Variants in HDAC9 observed in about 807,000 individuals in gnomAD.
HDAC9 encodes MEF-2 interacting transcription repressor (MITR) protein.
Under a neutral mutation model 139.4 loss-of-function variants are expected in HDAC9, and 41 were observed. The observed-to-expected ratio is 0.29, with a 90% CI of 0.23 to 0.38. The LOEUF (loss-of-function observed/expected upper bound fraction) is 0.38. Ranked by LOEUF, HDAC9 falls within the 10% of genes least tolerant of loss-of-function variation. The probability of loss-of-function intolerance (pLI) is 1.00; values close to 1 mark genes in which losing one functional copy is unlikely to be tolerated. For missense variants in HDAC9, 1,147 were observed against 1,297.0 expected, an observed-to-expected ratio of 0.88 and a Z score of 1.78; for synonymous variants, 517 against 476.2, an observed-to-expected ratio of 1.09 and a Z score of -1.12.
intron 2 of HDAC9, among the ~76,000 whole-genome samples, chr7:18,516,434 C>G (rs1803201847): frequency 6.6e-6 from 1 of 152,092 alleles, no homozygotes; most frequent in South Asian, 2.1e-4. Context: ...AGGATGTCAC[C>G]TTACCGCCCT....
chr7:18,414,091 T>C (rs1788824973), intron 1 of HDAC9, among the ~76,000 whole-genome samples: 1 of 152,176 alleles, frequency 6.6e-6, no homozygotes, highest in African/African-American at 2.4e-5. Context: ...GTGCTGTAAC[T>C]AGAATGCTGC....
chr7:18,116,338 T>G (rs1376888683), intron 1 of HDAC9, among the ~76,000 whole-genome samples: 5 of 152,188 alleles, frequency 3.3e-5, no homozygotes, highest in Non-Finnish European at 7.4e-5. Context: ...TTTATGTTAC[T>G]TGCTAAAATT....
intron 16 of HDAC9, among the ~76,000 whole-genome samples, chr7:18,783,990 AC>A (rs1791473176): frequency 6.6e-6 from 1 of 151,880 alleles, no homozygotes; most frequent in Admixed American, 6.6e-5. Flanking sequence ...CAACCAGAGA[AC>A]CTGTCCCTCA....
intron 2 of HDAC9, among the ~76,000 whole-genome samples, chr7:18,221,016 A>T (rs1420511713): frequency 1.3e-5 from 2 of 151,942 alleles, no homozygotes; most frequent in Non-Finnish European, 2.9e-5. Context: ...TTATTTTAAC[A>T]CTTTATTTTT....
At chr7:18,284,528 C>T (rs1466626154) in intron 2 of HDAC9, among the ~76,000 whole-genome samples, 4 of 152,088 alleles carry the variant, frequency 2.6e-5, no homozygotes, top group Admixed American at 6.5e-5. Flanking sequence ...GGGTTAACTG[C>T]CTGTATTCCA....
chr7:18,759,389 G>A (rs963006466), intron 14 of HDAC9, among the ~76,000 whole-genome samples: 2 of 151,998 alleles, frequency 1.3e-5, no homozygotes, highest in Non-Finnish European at 2.9e-5. Context: ...GATTCCCAGA[G>A]GAGCGCTAAC....
At chr7:18,251,777 A>G (rs1220419376) in intron 2 of HDAC9, among the ~76,000 whole-genome samples, 1 of 152,040 alleles carries the variant, frequency 6.6e-6, no homozygotes, top group Non-Finnish European at 1.5e-5. Flanking sequence ...TTCTTTAACT[A>G]TCTGAGTGAT....
chr7:18,631,429 T>G (rs903763528), intron 7 of HDAC9, among the ~76,000 whole-genome samples: 1 of 152,064 alleles, frequency 6.6e-6, no homozygotes, highest in Non-Finnish European at 1.5e-5. Flanking sequence ...TCACCTGTAC[T>G]CCTTCCCATT....
chr7:18,733,987 C>T (rs938111381), intron 13 of HDAC9, among the ~76,000 whole-genome samples: 18 of 152,106 alleles, frequency 1.2e-4, no homozygotes, highest in African/African-American at 4.3e-4. Context: ...AATTACTTAT[C>T]AATGCACAAA....
At chr7:18,272,959 CTACTACTAT>C (rs1325493828) in intron 2 of HDAC9, among the ~76,000 whole-genome samples, 6 of 143,178 alleles carry the variant, frequency 4.2e-5, no homozygotes, top group African/African-American at 1.0e-4. Flanking sequence ...ACTACTACTA[CTACTACTAT>C]TTCTTCCTCC....
chr7:18,865,782 G>A (rs1056798413), intron 21 of HDAC9, among the ~76,000 whole-genome samples: 33 of 151,996 alleles, frequency 2.2e-4, no homozygotes, highest in African/African-American at 7.0e-4. Flanking sequence ...AGTCTATAAT[G>A]TGCATTTTTG....
rs562460122 is a variant in HDAC9 at position 18,688,815 on chromosome 7, C to T, written c.1731+22339C>T. 1.1e-4 allele frequency among the ~76,000 whole-genome samples: 16 copies of T among 151,840 alleles called. No individual in the cohort carries two copies. In the East Asian group the frequency reaches 3.1e-3, roughly 29 times the overall value. On this transcript the variant is annotated intron_variant, in intron 12 of 25. Transcript: ENST00000686413. ...GAAAGGAAGTCAAAATGACAAGGAC[C>T]CTAATGGTTACAGAGAAAGGTTAAG...
rs1562802142 is a variant in HDAC9 at position 18,257,438 on chromosome 7, A to ACACAC, written c.25+95089_25+95090insCACAC. Among the ~76,000 whole-genome samples the ACACAC allele has an allele frequency of 5.1e-3, 675 of 132,504 alleles. 4 individuals carry two copies. The highest frequency in any genetic ancestry group is 8.9e-3 in the South Asian group (35 of 3,912). The allele number at this position is 132,504 out of a possible 152,430, so 86.9% of individuals were successfully genotyped here. On this transcript the variant is annotated intron_variant, in intron 2 of 12. Transcript: ENST00000417496. ...ACACACACACACACACACACACACA[A>ACACAC]AAAGAAAAAAAGAAAAAGTAGCATA...
At chr7:18,772,552 C>G (rs1409131268) in intron 16 of HDAC9, among the ~76,000 whole-genome samples, 1 of 152,054 alleles carries the variant, frequency 6.6e-6, no homozygotes, top group African/African-American at 2.4e-5. Flanking sequence ...TAATGTTCAA[C>G]TCAAACCTGG....
chr7:18,684,253 C>CA (rs61100280), intron 12 of HDAC9, among the ~76,000 whole-genome samples: 1,578 of 142,772 alleles, frequency 0.011, 22 homozygotes, highest in African/African-American at 0.036. Context: ...GACCCTATCT[C>CA]AAAAAAAAAA....
intron 8 of HDAC9, among the ~76,000 whole-genome samples, chr7:18,635,097 A>G (rs1222851200): frequency 6.6e-6 from 1 of 151,852 alleles, no homozygotes; most frequent in African/African-American, 2.4e-5. Context: ...TCCTCAGTCA[A>G]ACATTCTTAG....
chr7:18,479,906 T>G (rs1563029609), intron 1 of HDAC9, among the ~76,000 whole-genome samples: 1 of 151,934 alleles, frequency 6.6e-6, no homozygotes, highest in Non-Finnish European at 1.5e-5. Flanking sequence ...TATCCTAGAT[T>G]GCAATGCTAA....
In HDAC9 at chr7:18,135,777, C is replaced by G. The variant is rs1366763394; in HGVS notation, c.-96-26452C>G. Among the ~76,000 whole-genome samples the G allele has an allele frequency of 2.2e-3, 326 of 149,230 alleles. 2 individuals carry two copies. The highest frequency in any genetic ancestry group is 0.01 in the Middle Eastern group (3 of 292). ...ACAATAAACATACGTGTGCATGTGTCTTTATAGCAGCATGACTTATAGTCC... is the reference window on the plus strand; with the variant it reads ...ACAATAAACATACGTGTGCATGTGTGTTTATAGCAGCATGACTTATAGTCC... On this transcript the variant is annotated intron_variant, in intron 1 of 12. Transcript: ENST00000417496.
chr7:18,568,774 G>A (rs550565861), intron 2 of HDAC9, among the ~76,000 whole-genome samples: 142 of 152,240 alleles, frequency 9.3e-4, no homozygotes, highest in South Asian at 4.3e-3. Context: ...TGGGCCGGGC[G>A]CAGTGGCTCA....
Sources: gnomAD v4.1 joint callset for allele counts (sites outside exome capture counted in the v4.1 genomes callset) on GRCh38, gnomAD v4.1.1 for gene constraint, MANE v1.5 for transcripts, NCBI Gene and HGNC (gene_info 2026-07-23, HGNC 2026-07-21) for gene names.